ELAVL4: variants seen among roughly 807,000 people sequenced by gnomAD.
The protein encoded by ELAVL4 is ELAV like RNA binding protein 4.
ELAVL4 carries 1 observed loss-of-function variant against 35.6 expected under a neutral mutation model. The ratio of observed to expected loss-of-function variants is 0.03; its 90% CI spans 0.01 to 0.13. The LOEUF is 0.13. Ranked by LOEUF, ELAVL4 falls within the 10% of genes least tolerant of loss-of-function variation. The probability of loss-of-function intolerance (pLI) is 1.00; values close to 1 mark genes in which losing one functional copy is unlikely to be tolerated. For missense variants in ELAVL4, 267 were observed against 464.9 expected (o/e 0.57, Z 3.91); for synonymous variants, 156 against 171.0 (o/e 0.91, Z 0.69).
chr1:50,177,542 A>G (rs2148828436), intron 3 of ELAVL4, among the ~76,000 whole-genome samples: 1 of 152,366 alleles, frequency 6.6e-6, no homozygotes, highest in South Asian at 2.1e-4. Context: ...AGGCAGAGGA[A>G]ACAGCACATG....
chr1:50,167,938 T>C (rs1048388840), intron 2 of ELAVL4, among the ~76,000 whole-genome samples: 2 of 152,194 alleles, frequency 1.3e-5, no homozygotes, highest in Non-Finnish European at 2.9e-5. Flanking sequence ...AGCCAAACCA[T>C]TGGCTACAGC....
chr1:50,079,276 G>A (rs946485794), intron 1 of ELAVL4, among the ~76,000 whole-genome samples: 11 of 152,068 alleles, frequency 7.2e-5, no homozygotes, highest in African/African-American at 2.7e-4. Context: ...TATTCCCCAG[G>A]AAGTAGATTC....
intron 1 of ELAVL4, among the ~76,000 whole-genome samples, chr1:50,115,906 C>T (rs992188952): frequency 2.0e-5 from 3 of 151,984 alleles, no homozygotes; most frequent in African/African-American, 7.3e-5. Context: ...GAGGATAAGT[C>T]CCTGTGATTG....
chr1:50,053,341 G>C (rs562548426), intron 1 of ELAVL4, among the ~76,000 whole-genome samples: 1 of 152,018 alleles, frequency 6.6e-6, no homozygotes, highest in Non-Finnish European at 1.5e-5. Context: ...TGGATGATTG[G>C]TTTTTGTTTT....
intron 1 of ELAVL4, among the ~76,000 whole-genome samples, chr1:50,069,823 G>T (rs1413788680): frequency 6.6e-6 from 1 of 152,086 alleles, no homozygotes; most frequent in East Asian, 1.9e-4. Context: ...CCTCACCTGG[G>T]TACTATATTT....
intron 2 of ELAVL4, among the ~76,000 whole-genome samples, chr1:50,162,685 G>A (rs1460793056): frequency 6.6e-6 from 1 of 152,160 alleles, no homozygotes; most frequent in Non-Finnish European, 1.5e-5. Flanking sequence ...TTGGGTTCAA[G>A]TGAATCTCCT....
intron 1 of ELAVL4, among the ~76,000 whole-genome samples, chr1:50,133,934 A>G (rs1021496500): frequency 6.6e-6 from 1 of 152,186 alleles, no homozygotes; most frequent in African/African-American, 2.4e-5. Flanking sequence ...TAGAAGAGCC[A>G]TTGACCTTAC....
At chr1:50,105,023 GTTGT>G (rs1206770222), upstream of ELAVL4, among the ~76,000 whole-genome samples, 4 of 152,166 alleles carry the variant, frequency 2.6e-5, no homozygotes, top group Non-Finnish European at 5.9e-5. Context: ...TGCTCTTGTG[GTTGT>G]TTATCACTAT....
chr1:50,050,738 A>T (rs143732739), intron 1 of ELAVL4, among the ~76,000 whole-genome samples: 134 of 152,286 alleles, frequency 8.8e-4, no homozygotes, highest in African/African-American at 3.1e-3. Context: ...GTTTTATTTG[A>T]GCAGTACTGC....
chr1:50,125,679 G>A (rs1423985984), intron 1 of ELAVL4, among the ~76,000 whole-genome samples: 1 of 152,010 alleles, frequency 6.6e-6, no homozygotes, highest in East Asian at 1.9e-4. Context: ...GGAGGATTTG[G>A]CCAATCATTC....
intron 1 of ELAVL4, among the ~76,000 whole-genome samples, chr1:50,133,442 C>T (rs1671200482): frequency 6.6e-6 from 1 of 152,086 alleles, no homozygotes; most frequent in South Asian, 2.1e-4. Flanking sequence ...CCTGCCTCCA[C>T]TACCTTCCCA....
At chr1:50,109,567 G>A (rs1432366117) in intron 1 of ELAVL4, 1 of 372,290 alleles carries the variant, frequency 2.7e-6, no homozygotes, top group Non-Finnish European at 4.9e-6. Context: ...CCTGGGTTTT[G>A]TGGGGCTGGG....
intron 1 of ELAVL4, among the ~76,000 whole-genome samples, chr1:50,057,931 T>C (rs1486392584): frequency 6.6e-6 from 1 of 152,238 alleles, no homozygotes; most frequent in Non-Finnish European, 1.5e-5. Flanking sequence ...AATATTTCTC[T>C]CACCTTCAAG....
intron 2 of ELAVL4, among the ~76,000 whole-genome samples, chr1:50,175,109 G>A (rs1358227674): frequency 6.6e-6 from 1 of 152,124 alleles, no homozygotes; most frequent in Non-Finnish European, 1.5e-5. Context: ...TCAACTTGGT[G>A]AATGTTTTTA....
At chr1:50,158,865 T>A (rs775055981) in intron 2 of ELAVL4, among the ~76,000 whole-genome samples, 3 of 151,354 alleles carry the variant, frequency 2.0e-5, no homozygotes, top group African/African-American at 4.9e-5. Flanking sequence ...ATGGTGAAAC[T>A]CCATCTCTAC....
intron 1 of ELAVL4, among the ~76,000 whole-genome samples, chr1:50,055,009 T>TCA (rs1302333369): frequency 6.6e-6 from 1 of 152,180 alleles, no homozygotes; most frequent in African/African-American, 2.4e-5. Flanking sequence ...GCTACAGCTT[T>TCA]CTCTCTCTCT....
chr1:50,101,382 T>C (rs1190530931), upstream of ELAVL4, among the ~76,000 whole-genome samples: 4 of 152,224 alleles, frequency 2.6e-5, no homozygotes, highest in African/African-American at 7.2e-5. Context: ...GTATTTCTCC[T>C]ATTCCAAATT....
At chr1:50,199,281 T>C (rs898591616) in intron 6 of ELAVL4, among the ~76,000 whole-genome samples, 6 of 152,344 alleles carry the variant, frequency 3.9e-5, no homozygotes, top group African/African-American at 1.4e-4. Flanking sequence ...TCTCCAAGAA[T>C]ATTTGCTTAT....
At chr1:50,053,290 C>G (rs909961835) in intron 1 of ELAVL4, among the ~76,000 whole-genome samples, 7 of 152,126 alleles carry the variant, frequency 4.6e-5, no homozygotes, top group Admixed American at 3.9e-4. Context: ...CAAACAATTG[C>G]TCATGTCTCT....
Sources: allele counts gnomAD v4.1 joint callset (sites outside exome capture counted in the v4.1 genomes callset), GRCh38; gene constraint gnomAD v4.1.1; transcripts MANE v1.5; gene names NCBI Gene and HGNC (gene_info 2026-07-23, HGNC 2026-07-21).